The following XPNPEP1 variants were observed in gnomAD, a reference collection of about 807,000 sequenced individuals.
XPNPEP1 encodes X-prolyl aminopeptidase 1, also known as xaa-Pro aminopeptidase 1.
A neutral mutation model predicts 92.4 loss-of-function variants in XPNPEP1; 39 were observed. The observed-to-expected ratio is 0.42, with a 90% CI of 0.33 to 0.55. XPNPEP1 has a LOEUF of 0.55. Ranked by LOEUF, XPNPEP1 falls within the 20% of genes least tolerant of loss-of-function variation. The probability of loss-of-function intolerance (pLI) is 0.08; values close to 1 mark genes in which losing one functional copy is unlikely to be tolerated. For synonymous variants in XPNPEP1, 307 were observed against 299.4 expected (o/e 1.03, Z -0.26); for missense variants, 654 against 856.1 (o/e 0.76, Z 2.95).
At chr10:109,912,976 C>T (rs927370711) in intron 2 of XPNPEP1, among the ~76,000 whole-genome samples, 3 of 152,228 alleles carry the variant, frequency 2.0e-5, no homozygotes, top group African/African-American at 7.2e-5. Flanking sequence ...ATTATGACAT[C>T]TGCTCATTCC....
chr10:109,875,673 G>C, intron 14 of XPNPEP1, 74 bp from the exon 15 acceptor site: 2 of 1,346,532 alleles, frequency 1.5e-6, no homozygotes, highest in Non-Finnish European at 2.1e-6. Flanking sequence ...GGACACACAA[G>C]AGCTCTTTGT....
chr10:109,875,569 G>A lies in XPNPEP1; in HGVS notation c.1350C>T (p.Ser450=). 6.2e-7 allele frequency: 1 copy of A among 1,613,956 alleles called. No individual in the cohort carries two copies. Among genetic ancestry groups the A allele is most frequent in the Non-Finnish European group, 8.5e-7 (1 of 1,179,956 alleles). ...AGTCAATAAGGTACACCTCATCCAG[G>A]GACAAGGTCCTATTCGTCTCAGGGA... ...APVPETNRTL[S]LDEVYLIDSG... is the part of the protein sequence containing the mutation. The change falls in exon 15 of 21, where the codon TCC becomes TCT. Residue 450 remains serine (S), a synonymous_variant. Transcript: ENST00000502935.
chr10:109,898,643 CA>C (rs1235169608), intron 3 of XPNPEP1, among the ~76,000 whole-genome samples: 2 of 152,220 alleles, frequency 1.3e-5, no homozygotes, highest in Non-Finnish European at 2.9e-5. Context: ...AGCCTAATGG[CA>C]GGGGCAAGAA....
At chr10:109,882,901 G>A (rs1398778522) in intron 9 of XPNPEP1, among the ~76,000 whole-genome samples, 3 of 151,938 alleles carry the variant, frequency 2.0e-5, no homozygotes, top group African/African-American at 7.3e-5. Context: ...AAGACCTTGG[G>A]ACCCACAGCC....
In XPNPEP1 at chr10:109,865,033, G is replaced by T; in HGVS notation, c.*151C>A. On this transcript the variant is annotated 3_prime_UTR_variant, in exon 21 of 21. Transcript: ENST00000502935. ...TGAGTGTTTGCAATAAAATATCAAA[G>T]AGGATAAGAAGATTTTCTGTTCTTC... The T allele has an allele frequency of 9.1e-7, 1 of 1,097,738 alleles. No individual in the cohort carries two copies. The allele number at this position is 1,097,738 out of a possible 1,614,324, so 68.0% of individuals were successfully genotyped here. A position where few individuals can be genotyped will look rare whatever the true frequency, so the allele number is the denominator to read the frequency against.
At chr10:109,900,967 T>C (rs561333317) in intron 3 of XPNPEP1, among the ~76,000 whole-genome samples, 1 of 152,242 alleles carries the variant, frequency 6.6e-6, no homozygotes, top group East Asian at 1.9e-4. Flanking sequence ...CATGCTGCTA[T>C]AAAGACACAT....
intron 2 of XPNPEP1, among the ~76,000 whole-genome samples, chr10:109,912,410 G>C (rs2133551816): frequency 6.6e-6 from 1 of 152,390 alleles, no homozygotes. Context: ...GGCTGAGGCA[G>C]TGAGGCAGCT....
At chr10:109,917,013 C>T (rs565382739) in intron 1 of XPNPEP1, among the ~76,000 whole-genome samples, 19 of 152,248 alleles carry the variant, frequency 1.2e-4, no homozygotes, top group Admixed American at 2.0e-4. Flanking sequence ...TAACATCATT[C>T]TTAATGCTGA....
At chr10:109,866,542 C>T (rs904055956) in intron 20 of XPNPEP1, among the ~76,000 whole-genome samples, 9 of 152,300 alleles carry the variant, frequency 5.9e-5, no homozygotes, top group East Asian at 3.9e-4. Flanking sequence ...CACAGCCAAA[C>T]GCCCATGGCC....
chr10:109,864,924 G>C lies in XPNPEP1; in HGVS notation c.*260C>G. The C allele has an allele frequency of 4.3e-6, 2 of 462,836 alleles. No homozygotes were observed. The highest frequency in any genetic ancestry group is 4.6e-5 in the South Asian group (2 of 43,060). 28.7% of individuals were successfully genotyped at this position (462,836 alleles called of 1,614,324 possible). A position where few individuals can be genotyped will look rare whatever the true frequency, so the allele number is the denominator to read the frequency against. ...AGTCGGGGCATCTTCCTTTCACCAA[G>C]TGTTCAACTTTGGAGGGACCCTCCT... On this transcript the variant is annotated 3_prime_UTR_variant, in exon 21 of 21. Transcript: ENST00000502935.
At chr10:109,907,562 C>A (rs1849620102) in intron 3 of XPNPEP1, 129 bp downstream of exon 3, 2 of 1,409,078 alleles carry the variant, frequency 1.4e-6, no homozygotes, top group South Asian at 2.9e-5. Context: ...GGACACAGAT[C>A]CCCATAGCAA....
At position 109,878,003 on chromosome 10, in the gene XPNPEP1, C is replaced by G; in HGVS notation, c.1238G>C (p.Arg413Pro). Residue 413 changes from arginine to proline, a missense_variant, in exon 13 of 21, where the codon CGC (arginine) becomes CCC (proline). Physicochemically the swap from Arg to Pro is moderately radical, Grantham distance 103. Coordinates refer to ENST00000502935, the MANE Select transcript of XPNPEP1 (RefSeq NM_020383.4). The stretch of plus-strand genomic sequence containing the variant: ...GTCCCCCCAAATGGATCCTTACCTG[C>G]GAAACTCCTCAGCTTTGTCAGCAGC... Reference protein sequence around the residue: ...ISAADKAEEFRRQQADFVDLS... With the variant: ...ISAADKAEEFPRQQADFVDLS... 1 of 1,614,198 alleles carries G rather than the reference C, an allele frequency of 6.2e-7. No homozygotes were observed. The highest frequency in any genetic ancestry group is 8.5e-7 in the Non-Finnish European group (1 of 1,180,036).
chr10:109,903,756 T>C (rs2133504132), intron 3 of XPNPEP1, among the ~76,000 whole-genome samples: 1 of 152,180 alleles, frequency 6.6e-6, no homozygotes, highest in East Asian at 1.9e-4. Context: ...ACTCATACCA[T>C]AACTCAGGCT....
rs1364874349 is a variant in XPNPEP1 at position 109,884,053 on chromosome 10, G to A, written c.830+14C>T. ...GCTCTGGAAGGGAGTTCCAGATGCA[G>A]GGCAAACACTCACATGATCGTCTCT... On this transcript the variant is annotated intron_variant, in intron 9 of 20. Coordinates refer to ENST00000502935, the MANE Select transcript of XPNPEP1 (RefSeq NM_020383.4). The A allele has an allele frequency of 1.2e-6, 2 of 1,612,146 alleles. No homozygotes were observed. The highest frequency in any genetic ancestry group is 1.3e-5 in the African/African-American group (1 of 74,964).
intron 1 of XPNPEP1, among the ~76,000 whole-genome samples, chr10:109,917,258 T>C (rs1589640068): frequency 6.6e-6 from 1 of 152,282 alleles, no homozygotes; most frequent in East Asian, 1.9e-4. Context: ...CAAACAAAAT[T>C]AGAACTAATA....
chr10:109,916,380 G>C (rs950469041), intron 1 of XPNPEP1, among the ~76,000 whole-genome samples: 1 of 152,224 alleles, frequency 6.6e-6, no homozygotes, highest in African/African-American at 2.4e-5. Flanking sequence ...TCAGGGGATG[G>C]GGAGGTAAGT....
chr10:109,918,980 A>C (rs1290672237), intron 1 of XPNPEP1, among the ~76,000 whole-genome samples: 1 of 152,062 alleles, frequency 6.6e-6, no homozygotes, highest in Non-Finnish European at 1.5e-5. Context: ...AAAGAAAGAA[A>C]ATAAAAAAAA....
At chr10:109,900,041 C>T (rs1258275356) in intron 3 of XPNPEP1, among the ~76,000 whole-genome samples, 1 of 152,232 alleles carries the variant, frequency 6.6e-6, no homozygotes, top group East Asian at 1.9e-4. Context: ...AATACCACAA[C>T]CCTTGCTCTG....
In XPNPEP1 at chr10:109,869,865, C is replaced by A. The variant is rs183425693; in HGVS notation, c.1773+88G>T. ...GAAACAGGAAAATTTTTAAGCTTTGCGCAGTGGCAGTATTGTAGCCAATGA... is the reference window on the plus strand; with the variant it reads ...GAAACAGGAAAATTTTTAAGCTTTGAGCAGTGGCAGTATTGTAGCCAATGA... On this transcript the variant is annotated intron_variant, in intron 19 of 20. Coordinates refer to ENST00000502935, the MANE Select transcript of XPNPEP1 (RefSeq NM_020383.4). 15 of 1,334,056 alleles carry A rather than the reference C, an allele frequency of 1.1e-5. No individual in the cohort carries two copies. The Admixed American group carries it at 1.5e-4, about 13-fold the overall frequency. 82.6% of individuals were successfully genotyped at this position (1,334,056 alleles called of 1,614,324 possible).
Sources: gnomAD v4.1 joint callset for allele counts (sites outside exome capture counted in the v4.1 genomes callset) on GRCh38, gnomAD v4.1.1 for gene constraint, MANE v1.5 for transcripts, NCBI Gene and HGNC (gene_info 2026-07-23, HGNC 2026-07-21) for gene names.